ZNF568: variants seen among roughly 807,000 people sequenced by gnomAD.
The protein encoded by ZNF568 is zinc finger protein 568.
ZNF568 carries 11 observed loss-of-function variants against 18.1 expected under a neutral mutation model. That is an observed-to-expected ratio of 0.61 (90% CI 0.38 to 1.00). The LOEUF (loss-of-function observed/expected upper bound fraction) is 1.00. ZNF568 is among the 50% of genes least tolerant of loss of function. The pLI is 0.01. For missense variants in ZNF568, 639 were observed against 768.2 expected, an observed-to-expected ratio of 0.83 and a Z score of 1.99; for synonymous variants, 213 against 246.6, an observed-to-expected ratio of 0.86 and a Z score of 1.28.
chr19:36,995,240 A>G (rs144696853), intron 4 of ZNF568, among the ~76,000 whole-genome samples: 12,811 of 152,144 alleles, frequency 0.084, 728 homozygotes, highest in Admixed American at 0.12. Context: ...TCTATTAAAA[A>G]TACAAAAAAT....
intron 4 of ZNF568, 112 bp from the exon 5 acceptor site, chr19:36,936,634 T>C (rs2073794724): frequency 1.0e-6 from 1 of 990,376 alleles, no homozygotes. Flanking sequence ...CTCTTCTTCT[T>C]CTAGTACTCC....
In ZNF568 at chr19:36,925,404, A is replaced by T. The variant is rs1600769634; in HGVS notation, c.135+146A>T. 3 of 704,356 alleles carry T rather than the reference A, an allele frequency of 4.3e-6. No homozygotes were observed. In the East Asian group the frequency reaches 8.3e-5, roughly 19 times the overall value. The allele number at this position is 704,356 out of a possible 1,614,324, so 43.6% of individuals were successfully genotyped here. On this transcript the variant is annotated intron_variant, in intron 4 of 6. Transcript: ENST00000333987. ...CAGATAGAAAATCAGAACCTGGGGA[A>T]ATTTGAGATATGGCTATGCAGAAGC...
Position 36,991,464 on chromosome 19 carries a change from T to G in ZNF568, c.133+165T>G, listed in dbSNP as rs2305267. 1,060 of 1,005,436 alleles carry G rather than the reference T, an allele frequency of 1.1e-3. 21 individuals carry two copies. The East Asian group carries it at 0.028, about 26-fold the overall frequency. 62.3% of individuals were successfully genotyped at this position (1,005,436 alleles called of 1,614,324 possible). The stretch of plus-strand genomic sequence containing the variant: ...AAAGAATGGTTTGTCTCTTGTGAAG[T>G]TGGAAATTGGCTGTTCCAGCAGGCA... On this transcript the variant is annotated intron_variant, in intron 3 of 4. Transcript: ENST00000433993.
downstream of ZNF568, among the ~76,000 whole-genome samples, chr19:36,981,893 A>G (rs1259668980): frequency 6.6e-6 from 1 of 152,072 alleles, no homozygotes; most frequent in Non-Finnish European, 1.5e-5. Context: ...AGTAAATAAA[A>G]TAAAATATAA....
At chr19:36,935,197 T>C (rs2073768072) in intron 4 of ZNF568, among the ~76,000 whole-genome samples, 1 of 144,890 alleles carries the variant, frequency 6.9e-6, no homozygotes, top group Non-Finnish European at 1.5e-5. Flanking sequence ...GTCTGTTAGA[T>C]CTGGTTGGTA....
chr19:36,949,993 T>C lies in ZNF568; in HGVS notation c.840T>C (p.Cys280=). 6.2e-7 allele frequency: 1 copy of C among 1,613,956 alleles called. No individual in the cohort carries two copies. Among genetic ancestry groups the C allele is most frequent in the Non-Finnish European group, 8.5e-7 (1 of 1,179,944 alleles). ...KIHTGEKPYK[C]NECGKAFIQM... ...ATACTGGGGAAAAACCGTATAAGTG[T>C]AATGAATGTGGAAAAGCTTTCATTC... The change falls in exon 7 of 7, where the codon TGT becomes TGC. Residue 280 remains cysteine, a synonymous_variant. Coordinates refer to ENST00000333987, the MANE Select transcript of ZNF568 (RefSeq NM_198539.4).
chr19:36,936,763 G>A lies in ZNF568; in HGVS notation c.153G>A (p.Lys51=). The A allele has an allele frequency of 6.2e-7, 1 of 1,613,418 alleles. No individual in the cohort carries two copies. Among genetic ancestry groups the A allele is most frequent in the South Asian group, 1.1e-5 (1 of 91,004 alleles). ...TTRPLETVTF[K]DVAVDLTQEE... The stretch of plus-strand genomic sequence containing the variant: ...TTTTACAGGAAACAGTGACATTTAA[G>A]GATGTGGCTGTTGACCTTACCCAGG... Residue 51 remains lysine, a synonymous_variant, in exon 5 of 7, where the codon AAG becomes AAA. Transcript: ENST00000333987.
chr19:36,940,880 C>T (rs1050366103), intron 6 of ZNF568, among the ~76,000 whole-genome samples: 3 of 152,104 alleles, frequency 2.0e-5, no homozygotes, highest in East Asian at 3.9e-4. Flanking sequence ...GTAAAATTAG[C>T]GTGTCTGTTT....
At chr19:36,985,669 C>T (rs1490984628) in intron 2 of ZNF568, among the ~76,000 whole-genome samples, 2 of 152,038 alleles carry the variant, frequency 1.3e-5, no homozygotes, top group Non-Finnish European at 2.9e-5. Context: ...ACTACAGGTG[C>T]GCACCACCAT....
At chr19:36,917,166 G>T (rs2073353920) in intron 1 of ZNF568, among the ~76,000 whole-genome samples, 1 of 152,122 alleles carries the variant, frequency 6.6e-6, no homozygotes, top group African/African-American at 2.4e-5. Flanking sequence ...ATCTAGGTGG[G>T]GCTTGGCTGA....
chr19:36,996,363 C>A (rs1396062582), exon 5 of ZNF568: 1 of 1,534,130 alleles, frequency 6.5e-7, no homozygotes, highest in Non-Finnish European at 8.7e-7. Context: ...CAAAGGAAAA[C>A]ATTTATGAAA....
At chr19:36,969,735 C>G (rs575230784) in intron 6 of ZNF568, among the ~76,000 whole-genome samples, 1 of 150,878 alleles carries the variant, frequency 6.6e-6, no homozygotes, top group Admixed American at 6.6e-5. Flanking sequence ...TTTAAGGACC[C>G]TTGTTGGGCC....
Position 36,951,367 on chromosome 19 carries a change from G to A in ZNF568, c.*279G>A. 4.0e-6 allele frequency: 1 copy of A among 252,520 alleles called. No homozygotes were observed. Among genetic ancestry groups the A allele is most frequent in the Non-Finnish European group, 7.4e-6 (1 of 134,774 alleles). The allele number at this position is 252,520 out of a possible 1,614,324, so 15.6% of individuals were successfully genotyped here. On this transcript the variant is annotated 3_prime_UTR_variant, in exon 7 of 7. Coordinates refer to ENST00000333987, the MANE Select transcript of ZNF568 (RefSeq NM_198539.4). ...ATTATAAAATTCATGTGAAATAGAA[G>A]TGTATGAATTGCTGCGACAATTTTG...
chr19:36,967,641 C>G (rs2074204089), intron 6 of ZNF568, among the ~76,000 whole-genome samples: 1 of 152,208 alleles, frequency 6.6e-6, no homozygotes, highest in African/African-American at 2.4e-5. Context: ...TACAAACTGA[C>G]CATAGAAGCT....
In ZNF568 at chr19:36,952,146, T is replaced by G; in HGVS notation, c.*1058T>G. On this transcript the variant is annotated 3_prime_UTR_variant, in exon 7 of 7. Coordinates refer to ENST00000333987, the MANE Select transcript of ZNF568 (RefSeq NM_198539.4). ...ATGCATAAGAAATATATATATAATA[T>G]ATGTATGTATGTATAGCCAGATGCA... 2.1e-3 allele frequency: 769 copies of G among 358,590 alleles called. No homozygotes were observed. Among genetic ancestry groups the G allele is most frequent in the Middle Eastern group, 4.4e-3 (3 of 686 alleles). The allele number at this position is 358,590 out of a possible 1,614,324, so 22.2% of individuals were successfully genotyped here. A position where few individuals can be genotyped will look rare whatever the true frequency, so the allele number is the denominator to read the frequency against.
At chr19:36,996,215 A>G in intron 4 of ZNF568, 1 of 967,538 alleles carries the variant, frequency 1.0e-6, no homozygotes, top group Non-Finnish European at 1.5e-6. Context: ...AGTGTAAAGA[A>G]TTGCTTATTA....
chr19:36,935,577 A>T (rs1005475123), intron 4 of ZNF568, among the ~76,000 whole-genome samples: 1 of 142,640 alleles, frequency 7.0e-6, no homozygotes, highest in Non-Finnish European at 1.5e-5. Context: ...AAAAAAAAAA[A>T]GTAGTGTTTG....
intron 6 of ZNF568, among the ~76,000 whole-genome samples, chr19:36,944,141 G>A (rs2073926024): frequency 6.6e-6 from 1 of 150,590 alleles, no homozygotes; most frequent in African/African-American, 2.4e-5. Context: ...GCTCATGACT[G>A]TAATCCCAGC....
intron 4 of ZNF568, among the ~76,000 whole-genome samples, chr19:36,993,129 G>A (rs1667355): frequency 0.54 from 81,348 of 151,958 alleles, 22,281 homozygotes; most frequent in African/African-American, 0.62. Flanking sequence ...TCTTTTCTTC[G>A]TTTGTTGAGT....
Sources: gnomAD v4.1 joint callset for allele counts (sites outside exome capture counted in the v4.1 genomes callset) on GRCh38, gnomAD v4.1.1 for gene constraint, MANE v1.5 for transcripts, NCBI Gene and HGNC (gene_info 2026-07-23, HGNC 2026-07-21) for gene names.